The following VWA2 variants were observed in gnomAD, a reference collection of about 807,000 sequenced individuals.
VWA2 encodes the protein von Willebrand factor A domain-containing protein 2.
A neutral mutation model predicts 70.4 loss-of-function variants in VWA2; 73 were observed. The ratio of observed to expected loss-of-function variants is 1.04; its 90% CI spans 0.86 to 1.26. The LOEUF is 1.26. Among genes scored for constraint, VWA2 ranks in the 50% most tolerant of loss-of-function variants. VWA2 has a pLI of 0.00. For missense variants in VWA2, 1,011 were observed against 998.5 expected (o/e 1.01, Z -0.17); for synonymous variants, 407 against 423.3 (o/e 0.96, Z 0.47).
At chr10:114,269,740 A>G (rs780119191) in intron 5 of VWA2, among the ~76,000 whole-genome samples, 1 of 152,154 alleles carries the variant, frequency 6.6e-6, no homozygotes, top group Non-Finnish European at 1.5e-5. Context: ...TCACTCCTGA[A>G]GCTGTGAGCC....
chr10:114,246,463 T>G (rs938806034), intron 1 of VWA2: 4 of 634,662 alleles, frequency 6.3e-6, no homozygotes, highest in Non-Finnish European at 1.1e-5. Flanking sequence ...ACCATGCCAT[T>G]GCATTCCAGC....
At chr10:114,280,443 G>C (rs1408980348) in intron 8 of VWA2, among the ~76,000 whole-genome samples, 1 of 152,202 alleles carries the variant, frequency 6.6e-6, no homozygotes, top group Non-Finnish European at 1.5e-5. Context: ...GGGTAGGCGG[G>C]GGGTTGGGGC....
intron 10 of VWA2, 140 bp downstream of exon 10, chr10:114,285,110 C>T: frequency 1.6e-6 from 1 of 622,204 alleles, no homozygotes. Context: ...CACTGGTCTG[C>T]AGTTCACGTG....
intron 12 of VWA2, 81 bp downstream of exon 12, chr10:114,289,570 A>ATGGCAG: frequency 6.6e-7 from 1 of 1,511,264 alleles, no homozygotes; most frequent in Non-Finnish European, 9.1e-7. Flanking sequence ...CATGACGAGG[A>ATGGCAG]TGGCAGCTCT....
At chr10:114,279,343 C>T (rs918286305) in intron 8 of VWA2, among the ~76,000 whole-genome samples, 2 of 148,382 alleles carry the variant, frequency 1.3e-5, no homozygotes, top group African/African-American at 2.4e-5. Context: ...CTCCCAAACA[C>T]TCCCCACACT....
intron 1 of VWA2, among the ~76,000 whole-genome samples, chr10:114,242,248 G>C (rs2036985743): frequency 6.6e-6 from 1 of 152,144 alleles, no homozygotes; most frequent in African/African-American, 2.4e-5. Flanking sequence ...GTTTCATGGG[G>C]TCCTGGCGAC....
Position 114,255,067 on chromosome 10 carries a change from G to A in VWA2, c.261+19G>A, listed in dbSNP as rs2037294169. 2 of 1,610,136 alleles carry A rather than the reference G, an allele frequency of 1.2e-6. No homozygotes were observed. The highest frequency in any genetic ancestry group is 1.7e-6 in the Non-Finnish European group (2 of 1,179,074). On this transcript the variant is annotated intron_variant, in intron 4 of 13. Coordinates refer to ENST00000392982, the MANE Select transcript of VWA2 (RefSeq NM_001272046.2). ...CGAGAGGGTGAGTGCAAGTCTTGTG[G>A]GTGTTTGTGTTAGGGCGTCTTCTGT...
In VWA2 at chr10:114,291,471, T is replaced by C. The variant is rs2039593261; in HGVS notation, c.*234T>C. The stretch of plus-strand genomic sequence containing the variant: ...AGCTGATGTCACCCACAAACGATGT[T>C]GTTGAAAAGTTTTGATGTGTAAGTA... On this transcript the variant is annotated 3_prime_UTR_variant, in exon 14 of 14. Coordinates refer to ENST00000392982, the MANE Select transcript of VWA2 (RefSeq NM_001272046.2). 5 of 533,116 alleles carry C rather than the reference T, an allele frequency of 9.4e-6. No individual in the cohort carries two copies. The highest frequency in any genetic ancestry group is 4.0e-5 in the African/African-American group (2 of 50,602). The allele number at this position is 533,116 out of a possible 1,614,324, so 33.0% of individuals were successfully genotyped here. A position where few individuals can be genotyped will look rare whatever the true frequency, so the allele number is the denominator to read the frequency against.
chr10:114,248,106 T>TG, intron 1 of VWA2, among the ~76,000 whole-genome samples: 1 of 121,354 alleles, frequency 8.2e-6, no homozygotes, highest in South Asian at 2.5e-4. Context: ...AGACTCCATC[T>TG]CAAAAAAAAA....
At position 114,275,073 on chromosome 10, in the gene VWA2, A is replaced by G. The variant is rs183324915; in HGVS notation, c.566+2139A>G. ...AGCATGGAGGAGGGGACAGGCATGG[A>G]GATTGAAATTTGAGGTGGTTTTTAA... On this transcript the variant is annotated intron_variant, in intron 6 of 13. Transcript: ENST00000392982. 2.0e-3 allele frequency among the ~76,000 whole-genome samples: 301 copies of G among 152,204 alleles called. 4 individuals carry two copies. Among genetic ancestry groups the G allele is most frequent in the Non-Finnish European group, 1.4e-3 (92 of 68,004 alleles).
intron 5 of VWA2, among the ~76,000 whole-genome samples, chr10:114,267,323 G>C (rs1247511281): frequency 6.6e-6 from 1 of 151,940 alleles, no homozygotes. Context: ...CACCATCTTG[G>C]CCAGGCTGGT....
chr10:114,283,086 G>A (rs2133462824), intron 9 of VWA2, among the ~76,000 whole-genome samples: 1 of 152,328 alleles, frequency 6.6e-6, no homozygotes, highest in Non-Finnish European at 1.5e-5. Flanking sequence ...GCATCATTCA[G>A]CATGGTTCAC....
In VWA2 at chr10:114,284,927, C is replaced by T; in HGVS notation, c.954C>T (p.Tyr318=). 6.2e-7 allele frequency: 1 copy of T among 1,605,630 alleles called. No individual in the cohort carries two copies. The highest frequency in any genetic ancestry group is 8.5e-7 in the Non-Finnish European group (1 of 1,177,042). Residue 318 remains tyrosine (Y), a synonymous_variant, in exon 10 of 14, where the codon TAC becomes TAT. Coordinates refer to ENST00000392982, the MANE Select transcript of VWA2 (RefSeq NM_001272046.2). ...GTGTTCCAGAAGGACTGGACGGCTA[C>T]CAGTGCCTCTGCCCGCTGGCCTTTG... ...GTCVPEGLDG[Y]QCLCPLAFGG...
intron 2 of VWA2, among the ~76,000 whole-genome samples, chr10:114,252,478 G>A (rs942397966): frequency 3.3e-5 from 5 of 152,152 alleles, no homozygotes; most frequent in African/African-American, 7.2e-5. Context: ...GGAACCAGCC[G>A]AGGCAGTGCT....
At position 114,291,073 on chromosome 10, in the gene VWA2, A is replaced by C. The variant is rs139903407; in HGVS notation, c.2249-145A>C. The C allele has an allele frequency of 4.3e-4, 412 of 948,540 alleles. 2 individuals are homozygous for C. In the East Asian group the frequency reaches 9.5e-3, roughly 22 times the overall value. The allele number at this position is 948,540 out of a possible 1,614,324, so 58.8% of individuals were successfully genotyped here. A position where few individuals can be genotyped will look rare whatever the true frequency, so the allele number is the denominator to read the frequency against. ...GAGAGAAGCTCTGGAGGATAATCAC[A>C]TGGGGTCTCTAATCTGGCATCTTCT... On this transcript the variant is annotated intron_variant, in intron 13 of 13. Transcript: ENST00000392982.
intron 1 of VWA2, among the ~76,000 whole-genome samples, chr10:114,247,671 AAAAC>A (rs1431985027): frequency 7.2e-5 from 11 of 152,104 alleles, no homozygotes; most frequent in Admixed American, 4.6e-4. Flanking sequence ...GTCAAAAAAA[AAAAC>A]AAAACGGAGC....
Position 114,253,707 on chromosome 10 carries a change from A to G in VWA2, c.109A>G (p.Ile37Val). 4 of 1,612,390 alleles carry G rather than the reference A, an allele frequency of 2.5e-6. No individual in the cohort carries two copies. The highest frequency in any genetic ancestry group is 3.4e-6 in the Non-Finnish European group (4 of 1,179,770). The change falls in exon 3 of 14, where the codon ATT becomes GTT. Residue 37 changes from isoleucine (I) to valine (V), a missense_variant. Ile to Val is a conservative substitution (Grantham distance 29, BLOSUM62 3). Coordinates refer to ENST00000392982, the MANE Select transcript of VWA2 (RefSeq NM_001272046.2). ...VHVSKETIGK[I>V]SAASKMMWCS... ...TGTAAGCAAAGAAACCATCGGGAAG[A>G]TTTCAGCTGCCAGCAAAAGTAAGCC...
intron 1 of VWA2, chr10:114,246,573 C>A (rs1382274210): frequency 7.3e-6 from 9 of 1,233,336 alleles, no homozygotes; most frequent in South Asian, 1.2e-5. Flanking sequence ...ACAGAGGGAC[C>A]CAGGACCTCA....
In VWA2 at chr10:114,274,951, C is replaced by T. The variant is rs564102700; in HGVS notation, c.566+2017C>T. Among the ~76,000 whole-genome samples the T allele has an allele frequency of 3.8e-4, 58 of 152,150 alleles. 1 individual carries two copies. The Middle Eastern group carries it at 0.02, about 54-fold the overall frequency. The stretch of plus-strand genomic sequence containing the variant: ...GAAAGATGACAACGGGGGAAGAGCA[C>T]GGGACATTGTGTTCTGTTTCAGACA... On this transcript the variant is annotated intron_variant, in intron 6 of 13. Coordinates refer to ENST00000392982, the MANE Select transcript of VWA2 (RefSeq NM_001272046.2).
Sources: allele counts gnomAD v4.1 joint callset (sites outside exome capture counted in the v4.1 genomes callset), GRCh38; gene constraint gnomAD v4.1.1; transcripts MANE v1.5; gene names NCBI Gene and HGNC (gene_info 2026-07-23, HGNC 2026-07-21).